PDE4D: variants seen among roughly 807,000 people sequenced by gnomAD.
PDE4D encodes the protein phosphodiesterase 4D.
Under a neutral mutation model 87.4 loss-of-function variants are expected in PDE4D, and 24 were observed. The observed-to-expected ratio is 0.27, with a 90% CI of 0.20 to 0.39. The LOEUF is 0.39. Ranked by LOEUF, PDE4D falls within the 10% of genes least tolerant of loss-of-function variation. The pLI is 1.00. For synonymous variants in PDE4D, 384 were observed against 383.2 expected, an observed-to-expected ratio of 1.00 and a Z score of -0.02; for missense variants, 714 against 1,041.0, an observed-to-expected ratio of 0.69 and a Z score of 4.32.
chr5:59,089,531 T>A (rs1019941105), intron 5 of PDE4D, among the ~76,000 whole-genome samples: 46 of 152,302 alleles, frequency 3.0e-4, no homozygotes, highest in Admixed American at 2.8e-3. Context: ...TTCACAACTC[T>A]TAGATCTATT....
chr5:59,942,720 G>C (rs991848858), intron 3 of PDE4D, among the ~76,000 whole-genome samples: 3 of 152,036 alleles, frequency 2.0e-5, no homozygotes, highest in African/African-American at 7.2e-5. Flanking sequence ...GGGAACAAGA[G>C]ACAGACTAGA....
Position 59,893,711 on chromosome 5 carries a change from C to T in PDE4D, c.-89G>A, listed in dbSNP as rs1166338367. 2 of 1,381,066 alleles carry T rather than the reference C, an allele frequency of 1.4e-6. No homozygotes were observed. The highest frequency in any genetic ancestry group is 3.1e-5 in the East Asian group (1 of 32,658). 85.6% of individuals were successfully genotyped at this position (1,381,066 alleles called of 1,614,324 possible). On this transcript the variant is annotated 5_prime_UTR_variant, in exon 1 of 15. Coordinates refer to ENST00000340635, the MANE Select transcript of PDE4D (RefSeq NM_001104631.2). ...CCTGATGCTGCTGCTGCTGCTGCCG[C>T]CGCCGCCGCTTCTGCAGCCCAGCAG...
chr5:59,907,406 A>C (rs1164399108), intron 3 of PDE4D, among the ~76,000 whole-genome samples: 1 of 152,158 alleles, frequency 6.6e-6, no homozygotes, highest in East Asian at 1.9e-4. Context: ...AAAGAAAGAA[A>C]CAATAGACAC....
chr5:59,291,608 A>C (rs27180), intron 1 of PDE4D, among the ~76,000 whole-genome samples: 49,960 of 151,730 alleles, frequency 0.33, 9,938 homozygotes, highest in East Asian at 0.69. Context: ...AAAAAGGATA[A>C]ATGCTTGAGG....
intron 1 of PDE4D, among the ~76,000 whole-genome samples, chr5:59,732,820 G>A (rs1757559054): frequency 6.6e-6 from 1 of 152,004 alleles, no homozygotes. Context: ...ATGTAAATAT[G>A]ACCTTTAAGG....
At chr5:60,000,569 A>G (rs929647098) in intron 2 of PDE4D, among the ~76,000 whole-genome samples, 1 of 152,218 alleles carries the variant, frequency 6.6e-6, no homozygotes, top group Non-Finnish European at 1.5e-5. Flanking sequence ...AAGAATTGCT[A>G]AAAGGAGTCC....
At chr5:59,304,607 G>C (rs530658461) in intron 1 of PDE4D, among the ~76,000 whole-genome samples, 36 of 152,104 alleles carry the variant, frequency 2.4e-4, no homozygotes, top group African/African-American at 7.7e-4. Flanking sequence ...AATCATAAAG[G>C]GATGCTGGAT....
chr5:60,374,294 A>G (rs1020209270), intron 1 of PDE4D, among the ~76,000 whole-genome samples: 1 of 152,144 alleles, frequency 6.6e-6, no homozygotes, highest in African/African-American at 2.4e-5. Context: ...TCTCCCCCCA[A>G]AAAAACACCA....
At chr5:59,227,877 T>C (rs1754179526) in intron 1 of PDE4D, among the ~76,000 whole-genome samples, 1 of 152,104 alleles carries the variant, frequency 6.6e-6, no homozygotes, top group Non-Finnish European at 1.5e-5. Flanking sequence ...GAACTACCAT[T>C]CAACTCAGCA....
intron 1 of PDE4D, among the ~76,000 whole-genome samples, chr5:59,527,533 G>A (rs551822625): frequency 6.6e-6 from 1 of 152,224 alleles, no homozygotes; most frequent in Non-Finnish European, 1.5e-5. Context: ...AATATTTCAA[G>A]CCTTCACTGC....
At chr5:60,142,847 C>T (rs558585914) in intron 2 of PDE4D, among the ~76,000 whole-genome samples, 16 of 152,236 alleles carry the variant, frequency 1.1e-4, no homozygotes, top group African/African-American at 3.9e-4. Context: ...ATGACAATTA[C>T]CAAGGCAGGA....
rs573503092 is a variant in PDE4D at position 59,927,344 on chromosome 5, G to A, written c.272+61144C>T. Among the ~76,000 whole-genome samples, 8 of 152,262 alleles carry A rather than the reference G, an allele frequency of 5.3e-5. No individual in the cohort carries two copies. The East Asian group carries it at 1.5e-3, about 29-fold the overall frequency. ...TCCTCTCTCCTCCCAGACCTAGGAG[G>A]TTAAATTAATATAGTGTGAATGTGA... On this transcript the variant is annotated intron_variant, in intron 3 of 16. Coordinates refer to the PDE4D transcript ENST00000502484.
intron 1 of PDE4D, among the ~76,000 whole-genome samples, chr5:60,519,890 A>C (rs577916906): frequency 6.6e-6 from 1 of 152,354 alleles, no homozygotes; most frequent in South Asian, 2.1e-4. Context: ...TATATGTAGG[A>C]GAAAAAACAA....
chr5:59,230,759 A>G (rs1301861010), intron 1 of PDE4D, among the ~76,000 whole-genome samples: 45 of 152,252 alleles, frequency 3.0e-4, no homozygotes, highest in Admixed American at 2.9e-3. Context: ...TATTAAATCT[A>G]TTTTGGAGAA....
chr5:59,911,628 A>G (rs1753447566), intron 3 of PDE4D, among the ~76,000 whole-genome samples: 1 of 152,232 alleles, frequency 6.6e-6, no homozygotes, highest in Admixed American at 6.5e-5. Flanking sequence ...GGCAGGAGGC[A>G]AAATGAACCC....
intron 2 of PDE4D, among the ~76,000 whole-genome samples, chr5:60,156,572 G>C (rs1032417798): frequency 6.6e-6 from 1 of 152,020 alleles, no homozygotes; most frequent in Non-Finnish European, 1.5e-5. Flanking sequence ...ATTATCACTA[G>C]TATAATACAA....
At chr5:59,105,408 C>T (rs1771432101) in intron 5 of PDE4D, among the ~76,000 whole-genome samples, 1 of 152,140 alleles carries the variant, frequency 6.6e-6, no homozygotes, top group African/African-American at 2.4e-5. Flanking sequence ...AACATAGACA[C>T]TAAAACAAGG....
Position 60,280,168 on chromosome 5 carries a change from A to C in PDE4D, c.-89-94481T>G, listed in dbSNP as rs976813188. Among the ~76,000 whole-genome samples, 28 of 152,284 alleles carry C rather than the reference A, an allele frequency of 1.8e-4. 1 individual carries two copies. The highest frequency in any genetic ancestry group is 6.5e-4 in the African/African-American group (27 of 41,578). ...ACTCAACATATGCAACAAGTAAGTCATTATCATTCCTAGAGTAAGGAATCT... is the reference window on the plus strand; with the variant it reads ...ACTCAACATATGCAACAAGTAAGTCCTTATCATTCCTAGAGTAAGGAATCT... On this transcript the variant is annotated intron_variant, in intron 1 of 16. Coordinates refer to the PDE4D transcript ENST00000502484.
chr5:59,921,722 G>C lies in PDE4D; in HGVS notation c.272+66766C>G, dbSNP rs116395810. Among the ~76,000 whole-genome samples the C allele has an allele frequency of 5.8e-3, 888 of 152,190 alleles. 9 individuals carry two copies. The highest frequency in any genetic ancestry group is 0.02 in the African/African-American group (830 of 41,512). On this transcript the variant is annotated intron_variant, in intron 3 of 16. Transcript: ENST00000502484. The stretch of plus-strand genomic sequence containing the variant: ...AACCTGGGTGAAGATAAGGAAGTCT[G>C]GTTTATCAATTTTGTGGGTAACAGG...
Sources: gnomAD v4.1 joint callset for allele counts (sites outside exome capture counted in the v4.1 genomes callset) on GRCh38, gnomAD v4.1.1 for gene constraint, MANE v1.5 for transcripts, NCBI Gene and HGNC (gene_info 2026-07-23, HGNC 2026-07-21) for gene names.